Variants in BCAS3 observed in about 807,000 individuals in gnomAD.
The protein encoded by BCAS3 is BCAS3 microtubule associated cell migration factor, also known as BCAS4/BCAS3 fusion.
BCAS3 carries 53 observed loss-of-function variants against 116.1 expected under a neutral mutation model. The ratio of observed to expected loss-of-function variants is 0.46; its 90% CI spans 0.37 to 0.57. The LOEUF (loss-of-function observed/expected upper bound fraction) is 0.57, where lower values mean the gene tolerates loss of function less well. Among genes scored for constraint, BCAS3 ranks in the 20% least tolerant of loss-of-function variants. The pLI is 0.00. For missense variants in BCAS3, 917 were observed against 1,165.4 expected, an observed-to-expected ratio of 0.79 and a Z score of 3.10; for synonymous variants, 391 against 408.2, an observed-to-expected ratio of 0.96 and a Z score of 0.51.
In BCAS3 at chr17:60,993,844, A is replaced by G. The variant is rs1168854936; in HGVS notation, c.1486+3609A>G. Among the ~76,000 whole-genome samples, 1 of 152,174 alleles carries G rather than the reference A, an allele frequency of 6.6e-6. No individual in the cohort carries two copies. The highest frequency in any genetic ancestry group is 2.4e-5 in the African/African-American group (1 of 41,454). ...TATTTCCTTTTTACTCTTTGGACCC[A>G]ATCCAGTTTAGGTTAGGATTATTTT... On this transcript the variant is annotated intron_variant, in intron 15 of 23. Coordinates refer to ENST00000407086, the MANE Select transcript of BCAS3 (RefSeq NM_017679.5). The surrounding 1 kb of genome is among the most constrained non-coding windows in gnomAD (Gnocchi z 4.2).
chr17:60,933,503 A>G (rs2059768348), intron 13 of BCAS3, among the ~76,000 whole-genome samples: 1 of 152,208 alleles, frequency 6.6e-6, no homozygotes, highest in Non-Finnish European at 1.5e-5. Context: ...TTGAATCTCT[A>G]GCAAAACAGA....
rs1305068458 is a variant in BCAS3 at position 61,199,552 on chromosome 17, G to C, written c.2425+114988G>C. On this transcript the variant is annotated intron_variant, in intron 22 of 23. Transcript: ENST00000407086. This position sits in a 1 kb window ranked among gnomAD's most constrained non-coding sequence, Gnocchi z 4.6. ...TTTTTTCCCTTCTAATTTGTGCCCT[G>C]ACTGCACCTTGTGAAAGGTTAGAAC... Among the ~76,000 whole-genome samples the C allele has an allele frequency of 6.6e-6, 1 of 152,136 alleles. No individual in the cohort carries two copies. The highest frequency in any genetic ancestry group is 2.4e-5 in the African/African-American group (1 of 41,430).
intron 22 of BCAS3, among the ~76,000 whole-genome samples, chr17:61,311,106 C>T (rs929264428): frequency 1.3e-5 from 2 of 152,158 alleles, no homozygotes; most frequent in African/African-American, 4.8e-5. Context: ...AAAATACTGC[C>T]TGCTCCTAAA....
At chr17:60,819,938 T>G (rs1007135369) in intron 7 of BCAS3, among the ~76,000 whole-genome samples, 4 of 151,706 alleles carry the variant, frequency 2.6e-5, no homozygotes, top group African/African-American at 9.7e-5. Flanking sequence ...TATTATCATT[T>G]CTAAGCAAGA....
chr17:60,859,004 T>G (rs1484056597), intron 7 of BCAS3, among the ~76,000 whole-genome samples: 1 of 152,186 alleles, frequency 6.6e-6, no homozygotes, highest in African/African-American at 2.4e-5. Flanking sequence ...CACCTTTATT[T>G]TTTATTTTTC....
intron 2 of BCAS3, among the ~76,000 whole-genome samples, chr17:60,680,148 AAAAG>A (rs2032800231): frequency 6.6e-6 from 1 of 151,376 alleles, no homozygotes; most frequent in African/African-American, 2.4e-5. Flanking sequence ...AAAAAAAAAA[AAAAG>A]AAAGAAAATG....
At chr17:60,902,868 C>G (rs555318730) in intron 11 of BCAS3, among the ~76,000 whole-genome samples, 165 bp downstream of exon 11, 34 of 152,320 alleles carry the variant, frequency 2.2e-4, no homozygotes, top group African/African-American at 7.9e-4. Context: ...CTAATTAATA[C>G]CACATTTGGA....
At chr17:60,940,544 A>G (rs2060172072) in intron 13 of BCAS3, among the ~76,000 whole-genome samples, 1 of 152,190 alleles carries the variant, frequency 6.6e-6, no homozygotes, top group African/African-American at 2.4e-5. Flanking sequence ...TGAGGAGGTT[A>G]ACGCTTTCTT....
At chr17:61,109,000 A>G (rs2074870587) in intron 22 of BCAS3, among the ~76,000 whole-genome samples, 1 of 152,104 alleles carries the variant, frequency 6.6e-6, no homozygotes, top group Admixed American at 6.5e-5. Flanking sequence ...ATCCTGGCCA[A>G]CATGGTGAAA....
At chr17:61,209,567 T>C (rs898153823) in intron 22 of BCAS3, among the ~76,000 whole-genome samples, 2 of 152,206 alleles carry the variant, frequency 1.3e-5, no homozygotes, top group African/African-American at 4.8e-5. Context: ...TAAAATGTAT[T>C]TTTAAAATGT....
At chr17:61,191,576 C>A (rs1420976919) in intron 22 of BCAS3, among the ~76,000 whole-genome samples, 1 of 151,662 alleles carries the variant, frequency 6.6e-6, no homozygotes, top group African/African-American at 2.4e-5. Context: ...GAGATTGAGA[C>A]CATGCTGGCT....
At chr17:61,067,317 T>TATATATATATATATATATA (rs2070778205) in intron 19 of BCAS3, among the ~76,000 whole-genome samples, 6 of 59,748 alleles carry the variant, frequency 1.0e-4, no homozygotes, top group South Asian at 1.2e-3. Flanking sequence ...ATATATATAT[T>TATATATATATATATATATA]TATACAGACT....
At chr17:60,718,184 T>C (rs116341428) in intron 5 of BCAS3, among the ~76,000 whole-genome samples, 5,075 of 152,272 alleles carry the variant, frequency 0.033, 246 homozygotes, top group African/African-American at 0.1. Flanking sequence ...AGGCCTGGTT[T>C]GTAACCAGTA....
intron 7 of BCAS3, among the ~76,000 whole-genome samples, chr17:60,864,499 A>G (rs1599264279): frequency 1.3e-5 from 2 of 152,242 alleles, no homozygotes; most frequent in Admixed American, 6.5e-5. Context: ...AGGCACTACA[A>G]TGGGTAGTAT....
rs1241515450 is a variant in BCAS3 at position 61,381,204 on chromosome 17, A to G, written c.2594-10773A>G. On this transcript the variant is annotated intron_variant, in intron 23 of 23. Transcript: ENST00000407086. The surrounding 1 kb of genome is among the most constrained non-coding windows in gnomAD (Gnocchi z 6.0). ...GCACTTCCACCCGACAGGCAAATCG[A>G]TATCTTAATACACCAAAGTGGAATT... Among the ~76,000 whole-genome samples, 1 of 152,224 alleles carries G rather than the reference A, an allele frequency of 6.6e-6. No individual in the cohort carries two copies. The highest frequency in any genetic ancestry group is 2.4e-5 in the African/African-American group (1 of 41,462).
At chr17:60,862,608 T>G (rs2054250253) in intron 7 of BCAS3, among the ~76,000 whole-genome samples, 1 of 152,164 alleles carries the variant, frequency 6.6e-6, no homozygotes, top group Admixed American at 6.5e-5. Flanking sequence ...ATAGAGGTGG[T>G]AAAAAATGTG....
chr17:61,153,782 T>A (rs1646391476), intron 22 of BCAS3, among the ~76,000 whole-genome samples: 1 of 152,224 alleles, frequency 6.6e-6, no homozygotes, highest in South Asian at 2.1e-4. Context: ...AACTTTTATA[T>A]CAGAACTCAA....
intron 5 of BCAS3, among the ~76,000 whole-genome samples, chr17:60,730,591 C>CAAA (rs1270178577): frequency 6.6e-6 from 1 of 152,084 alleles, no homozygotes; most frequent in Non-Finnish European, 1.5e-5. Context: ...AAAACTTGTT[C>CAAA]CCCTCTTCCT....
chr17:60,976,038 T>TTTTTTTTTTTTTTTTG (rs1355308298), intron 14 of BCAS3, among the ~76,000 whole-genome samples: 1 of 138,040 alleles, frequency 7.2e-6, no homozygotes, highest in Non-Finnish European at 1.5e-5. Context: ...TTTTTTTTTT[T>TTTTTTTTTTTTTTTTG]TTCTTTTTGA....
Sources: allele counts gnomAD v4.1 joint callset (sites outside exome capture counted in the v4.1 genomes callset), GRCh38; gene constraint gnomAD v4.1.1; non-coding constraint Gnocchi (gnomAD v3.1); transcripts MANE v1.5; gene names NCBI Gene and HGNC (gene_info 2026-07-23, HGNC 2026-07-21).